Variants in CALN1 observed in about 807,000 individuals in gnomAD.
The protein encoded by CALN1 is calneuron 1.
CALN1 carries 17 observed loss-of-function variants against 30.6 expected under a neutral mutation model. The ratio of observed to expected loss-of-function variants is 0.56; its 90% confidence interval spans 0.38 to 0.83. The LOEUF (loss-of-function observed/expected upper bound fraction) is 0.83. Among genes scored for constraint, CALN1 ranks in the 40% least tolerant of loss-of-function variants. CALN1 has a pLI of 0.00. For missense variants in CALN1, 291 were observed against 354.9 expected, an observed-to-expected ratio of 0.82 and a Z score of 1.45; for synonymous variants, 156 against 131.4, an observed-to-expected ratio of 1.19 and a Z score of -1.28.
intron 5 of CALN1, among the ~76,000 whole-genome samples, chr7:72,000,753 C>A (rs1483491342): frequency 2.0e-5 from 3 of 152,114 alleles, no homozygotes; most frequent in Admixed American, 6.6e-5. Context: ...AAATTGCAGA[C>A]CCTATCTCTC....
intron 4 of CALN1, among the ~76,000 whole-genome samples, chr7:72,091,336 GACAA>G (rs1487276056): frequency 9.2e-5 from 14 of 152,168 alleles, no homozygotes; most frequent in South Asian, 2.1e-4. Context: ...GTCTCAAACA[GACAA>G]ACAAACAAAC....
intron 2 of CALN1, among the ~76,000 whole-genome samples, chr7:72,328,871 A>G (rs1801466146): frequency 6.6e-6 from 1 of 152,140 alleles, no homozygotes; most frequent in Non-Finnish European, 1.5e-5. Flanking sequence ...AGTTTTTTAT[A>G]TTTTTAGTAG....
chr7:72,193,908 A>G (rs890296569), intron 3 of CALN1, among the ~76,000 whole-genome samples: 2 of 151,972 alleles, frequency 1.3e-5, no homozygotes, highest in African/African-American at 4.8e-5. Context: ...AAGCTAAGCT[A>G]TGAGGATGCA....
chr7:72,312,603 A>T (rs1056746307), intron 2 of CALN1, among the ~76,000 whole-genome samples: 4 of 152,044 alleles, frequency 2.6e-5, no homozygotes, highest in Non-Finnish European at 5.9e-5. Flanking sequence ...TGCAAATTCA[A>T]AATGTAACTT....
chr7:72,405,528 T>G (rs1164279181), intron 1 of CALN1, among the ~76,000 whole-genome samples: 2 of 152,100 alleles, frequency 1.3e-5, no homozygotes, highest in African/African-American at 2.4e-5. Context: ...TTCACACAGC[T>G]GCACACTCTG....
intron 5 of CALN1, among the ~76,000 whole-genome samples, chr7:72,007,534 G>A (rs1204781061): frequency 2.0e-5 from 3 of 152,142 alleles, no homozygotes; most frequent in African/African-American, 2.4e-5. Context: ...GCAAGAGAGC[G>A]AGACTCTGTC....
chr7:71,984,252 C>T (rs867838805), intron 5 of CALN1, among the ~76,000 whole-genome samples: 3 of 151,960 alleles, frequency 2.0e-5, no homozygotes. Flanking sequence ...TGATTGGGAG[C>T]CTTTGACCAT....
Position 72,313,033 on chromosome 7 carries a change from C to T in CALN1, c.120-34223G>A, listed in dbSNP as rs532791055. ...TGTTTTTAGTAGAGACAGGGTTTCA[C>T]CATGTTGGCCAGGCTGGTCTCGAAC... On this transcript the variant is annotated intron_variant, in intron 2 of 6. Transcript: ENST00000395275. Among the ~76,000 whole-genome samples, 3 of 152,246 alleles carry T rather than the reference C, an allele frequency of 2.0e-5. No homozygotes were observed. The South Asian group carries it at 6.2e-4, about 32-fold the overall frequency.
the CALN1 span, among the ~76,000 whole-genome samples, chr7:72,494,934 G>A: frequency 6.6e-6 from 1 of 152,260 alleles, no homozygotes; most frequent in Middle Eastern, 3.4e-3. Context: ...GGCTGTGTGA[G>A]TGCCCTTATG....
At chr7:72,490,402 C>T in the CALN1 span, among the ~76,000 whole-genome samples, 14 of 152,148 alleles carry the variant, frequency 9.2e-5, no homozygotes, top group African/African-American at 1.9e-4. Context: ...CAGGCAGACG[C>T]GGATTTTCAT....
chr7:72,103,093 A>AGG, intron 4 of CALN1: 1 of 151,166 alleles, frequency 6.6e-6, no homozygotes, highest in Non-Finnish European at 1.5e-5. Flanking sequence ...AAAAAAAAAA[A>AGG]AAAAGGAAGT....
At chr7:71,945,649 T>G (rs1170792162) in intron 5 of CALN1, among the ~76,000 whole-genome samples, 1 of 152,206 alleles carries the variant, frequency 6.6e-6, no homozygotes, top group Non-Finnish European at 1.5e-5. Flanking sequence ...GATTGTGCAC[T>G]CCTTGTGAGA....
intron 2 of CALN1, among the ~76,000 whole-genome samples, chr7:72,397,750 A>ACACACACACACACACACC (rs1491117589): frequency 4.2e-5 from 6 of 144,200 alleles, no homozygotes; most frequent in Admixed American, 7.0e-5. Flanking sequence ...ACACACACAC[A>ACACACACACACACACACC]CCTTGCTCCA....
chr7:71,902,113 C>T (rs190120585), intron 5 of CALN1, among the ~76,000 whole-genome samples: 2 of 152,132 alleles, frequency 1.3e-5, no homozygotes, highest in Admixed American at 6.6e-5. Context: ...GAGCAAAGGA[C>T]ATGAACAGGC....
intron 4 of CALN1, among the ~76,000 whole-genome samples, chr7:72,031,532 A>G (rs1291872185): frequency 6.6e-6 from 1 of 152,130 alleles, no homozygotes; most frequent in African/African-American, 2.4e-5. Flanking sequence ...TGCAGCTACC[A>G]TGAGGCAGAG....
intron 3 of CALN1, among the ~76,000 whole-genome samples, chr7:72,259,912 T>C (rs1283063851): frequency 6.6e-6 from 1 of 152,126 alleles, no homozygotes; most frequent in Non-Finnish European, 1.5e-5. Context: ...CCTTTTAAAA[T>C]GCAAAAAGGA....
intron 3 of CALN1, among the ~76,000 whole-genome samples, chr7:72,181,697 G>A (rs777283881): frequency 3.9e-5 from 6 of 152,230 alleles, no homozygotes; most frequent in South Asian, 2.1e-4. Flanking sequence ...GGCTGGTCTC[G>A]AACTCCTGAC....
chr7:72,254,543 T>G (rs1795784531), intron 3 of CALN1, among the ~76,000 whole-genome samples: 1 of 152,164 alleles, frequency 6.6e-6, no homozygotes, highest in South Asian at 2.1e-4. Flanking sequence ...TGTGTTTTAC[T>G]GTGAGAGGGC....
chr7:71,815,542 C>T (rs1046285504), intron 5 of CALN1, among the ~76,000 whole-genome samples: 2 of 152,148 alleles, frequency 1.3e-5, no homozygotes, highest in Non-Finnish European at 1.5e-5. Flanking sequence ...CCACAAAGGA[C>T]GCGGGATCTG....
Sources: allele counts gnomAD v4.1 joint callset (sites outside exome capture counted in the v4.1 genomes callset), GRCh38; gene constraint gnomAD v4.1.1; transcripts MANE v1.5; gene names NCBI Gene and HGNC (gene_info 2026-07-23, HGNC 2026-07-21).